The following HSF5 variants were observed in gnomAD, a reference collection of about 807,000 sequenced individuals.
HSF5 encodes the protein heat shock factor protein 5.
In HSF5, 5 loss-of-function variants were observed where a neutral mutation model predicts 50.8. The observed-to-expected ratio is 0.10, with a 90% confidence interval of 0.05 to 0.21. The LOEUF is 0.21. Among genes scored for constraint, HSF5 ranks in the 10% least tolerant of loss-of-function variants. The pLI, the probability that HSF5 is intolerant of heterozygous loss-of-function variation, is 1.00. For missense variants in HSF5, 564 were observed against 762.6 expected (o/e 0.74, Z 3.07); for synonymous variants, 307 against 307.4 (o/e 1.00, Z 0.02).
At chr17:58,446,087 A>G (rs1238130120) in intron 5 of HSF5, among the ~76,000 whole-genome samples, 1 of 151,470 alleles carries the variant, frequency 6.6e-6, no homozygotes, top group African/African-American at 2.4e-5. Context: ...CAGTGAGCCA[A>G]AATCGCGCCA....
intron 2 of HSF5, 123 bp from the exon 3 acceptor site, chr17:58,467,102 CA>C (rs1974878094): frequency 1.6e-6 from 1 of 636,116 alleles, no homozygotes; most frequent in East Asian, 2.8e-5. Context: ...GTATGTCTAA[CA>C]AAATATTTAG....
rs1260748191 is a variant in HSF5 at position 58,463,187 on chromosome 17, A to T, written c.1137T>A (p.Val379=). The change falls in exon 4 of 6, where the codon GTT becomes GTA. Residue 379 remains valine, a synonymous_variant. Coordinates refer to ENST00000323777, the MANE Select transcript of HSF5 (RefSeq NM_001080439.3). ...EVNLEAVFQI[V]DELHSSPKLE... The stretch of plus-strand genomic sequence containing the variant: ...ATTTAGGGGAGGAATGCAACTCATC[A>T]ACTATCTGAAAGACAGCCTCTAGGT... 6.2e-7 allele frequency: 1 copy of T among 1,614,230 alleles called. No homozygotes were observed. Among genetic ancestry groups the T allele is most frequent in the East Asian group, 2.2e-5 (1 of 44,894 alleles).
At chr17:58,437,396 A>G (rs1212336887) in intron 5 of HSF5, among the ~76,000 whole-genome samples, 1 of 152,212 alleles carries the variant, frequency 6.6e-6, no homozygotes, top group African/African-American at 2.4e-5. Context: ...TGCTATAGGA[A>G]CACTTCAAGT....
chr17:58,450,338 C>CAAAAAA (rs758990551), intron 5 of HSF5, among the ~76,000 whole-genome samples: 4 of 51,936 alleles, frequency 7.7e-5, no homozygotes, highest in African/African-American at 1.8e-4. Flanking sequence ...GACTTTGTCT[C>CAAAAAA]AAAAAAAAAA....
intron 5 of HSF5, among the ~76,000 whole-genome samples, chr17:58,434,617 G>C (rs1017661078): frequency 1.3e-5 from 2 of 151,832 alleles, no homozygotes; most frequent in African/African-American, 4.8e-5. Context: ...GCACTTTGGA[G>C]GCCAAGGCAG....
chr17:58,440,802 G>T (rs190500621), intron 5 of HSF5, among the ~76,000 whole-genome samples: 15 of 152,114 alleles, frequency 9.9e-5, no homozygotes, highest in Admixed American at 7.2e-4. Flanking sequence ...AGAAATCCTA[G>T]AATTGAAAAA....
chr17:58,433,914 T>TTTTTTTTTA (rs1974394123), intron 5 of HSF5, among the ~76,000 whole-genome samples: 2 of 141,880 alleles, frequency 1.4e-5, no homozygotes, highest in South Asian at 4.6e-4. Context: ...CAAAGGGATT[T>TTTTTTTTTA]TTTTTTTTTT....
intron 5 of HSF5, among the ~76,000 whole-genome samples, chr17:58,453,556 T>C (rs1435831169): frequency 2.0e-5 from 3 of 151,222 alleles, no homozygotes; most frequent in African/African-American, 7.3e-5. Flanking sequence ...GATCATGCCA[T>C]TGCACTCCAG....
At chr17:58,456,212 C>A (rs1598191608) in intron 5 of HSF5, among the ~76,000 whole-genome samples, 1 of 150,474 alleles carries the variant, frequency 6.6e-6, no homozygotes, top group South Asian at 2.1e-4. Context: ...CATAAATATA[C>A]AATGGAATAC....
chr17:58,452,569 C>A (rs1032962996), intron 5 of HSF5, among the ~76,000 whole-genome samples: 1 of 151,550 alleles, frequency 6.6e-6, no homozygotes, highest in Non-Finnish European at 1.5e-5. Flanking sequence ...CAACACTTTG[C>A]GATGCTGAGG....
rs535172159 is a variant in HSF5 at position 58,425,355 on chromosome 17, G to A, written c.1721-2925C>T. On this transcript the variant is annotated intron_variant, in intron 5 of 5. Transcript: ENST00000323777. ...TGGGAGGCGGAGGTTGCAGTGAGCC[G>A]AGATTGCGTCATTGCACTCCAGCCT... is the stretch of plus-strand genomic sequence containing the variant. Among the ~76,000 whole-genome samples the A allele has an allele frequency of 6.5e-4, 98 of 151,386 alleles. 1 individual carries two copies. Among genetic ancestry groups the A allele is most frequent in the African/African-American group, 2.3e-3 (96 of 41,258 alleles).
At chr17:58,434,238 C>G (rs1196636832) in intron 5 of HSF5, among the ~76,000 whole-genome samples, 2 of 151,870 alleles carry the variant, frequency 1.3e-5, no homozygotes, top group Non-Finnish European at 2.9e-5. Flanking sequence ...AACATAGAAC[C>G]TATGACGACA....
chr17:58,432,399 TG>T lies in HSF5; in HGVS notation c.1721-9970del, dbSNP rs1330497680. 6.6e-5 allele frequency among the ~76,000 whole-genome samples: 10 copies of T among 152,270 alleles called. No homozygotes were observed. The South Asian group carries it at 1.0e-3, about 16-fold the overall frequency. ...GAACAGGGTGCCATTTCAGATGGCA[TG>T]GTCAGGAAGATTTCTGTGATGATCT... On this transcript the variant is annotated intron_variant, in intron 5 of 5. Coordinates refer to ENST00000323777, the MANE Select transcript of HSF5 (RefSeq NM_001080439.3).
In HSF5 at chr17:58,480,083, A is replaced by C. The variant is rs1022284175; in HGVS notation, c.735T>G (p.Ser245=). The stretch of plus-strand genomic sequence containing the variant: ...GAACCCCTTTATCTGAAAATGTGGG[A>C]GATGTCTCCACTTGTCCAGGATGCA... The part of the protein sequence containing the change: ...LGMHPGQVET[S]PTFSDKGVPF... Residue 245 remains serine (S), a synonymous_variant, in exon 2 of 6, where the codon TCT becomes TCG. Transcript: ENST00000323777. 9 of 1,613,966 alleles carry C rather than the reference A, an allele frequency of 5.6e-6. No individual in the cohort carries two copies. The African/African-American group carries it at 1.2e-4, about 22-fold the overall frequency.
intron 5 of HSF5, among the ~76,000 whole-genome samples, chr17:58,457,496 G>A (rs762612701): frequency 1.3e-5 from 2 of 151,944 alleles, no homozygotes; most frequent in Non-Finnish European, 2.9e-5. Context: ...CTACTCGGGA[G>A]GCTGAGCCAT....
intron 5 of HSF5, among the ~76,000 whole-genome samples, chr17:58,457,812 A>G (rs552148961): frequency 1.8e-4 from 28 of 152,360 alleles, no homozygotes; most frequent in African/African-American, 6.7e-4. Context: ...CAGTGGTAAG[A>G]AATCTTTAGT....
At chr17:58,487,066 C>T (rs1182634084) in intron 1 of HSF5, among the ~76,000 whole-genome samples, 1 of 152,142 alleles carries the variant, frequency 6.6e-6, no homozygotes. Context: ...CACCACCATG[C>T]CTGGCTAATT....
intron 2 of HSF5, among the ~76,000 whole-genome samples, chr17:58,473,692 G>A (rs1567917017): frequency 1.3e-5 from 2 of 151,990 alleles, no homozygotes; most frequent in South Asian, 2.1e-4. Flanking sequence ...TGCTTCTAAC[G>A]TGAGAAAGAA....
In HSF5 at chr17:58,488,394, G is replaced by A. The variant is rs868664192; in HGVS notation, c.-120C>T. The A allele has an allele frequency of 8.5e-6, 11 of 1,300,008 alleles. No individual in the cohort carries two copies. In the African/African-American group the frequency reaches 1.1e-4, roughly 13 times the overall value. The allele number at this position is 1,300,008 out of a possible 1,614,324, so 80.5% of individuals were successfully genotyped here. The stretch of plus-strand genomic sequence containing the variant: ...CCGGCGCCCATCCGCCGCGTACCAG[G>A]GACCGTTGGCGCACGAGGCCCCGCG... On this transcript the variant is annotated 5_prime_UTR_variant, in exon 1 of 6. Coordinates refer to ENST00000323777, the MANE Select transcript of HSF5 (RefSeq NM_001080439.3). This position sits in a 1 kb window ranked among gnomAD's most constrained non-coding sequence, Gnocchi z 4.1.
Sources: gnomAD v4.1 joint callset for allele counts (sites outside exome capture counted in the v4.1 genomes callset) on GRCh38, gnomAD v4.1.1 for gene constraint, Gnocchi (gnomAD v3.1) non-coding constraint, MANE v1.5 for transcripts, NCBI Gene and HGNC (gene_info 2026-07-23, HGNC 2026-07-21) for gene names.